The following MYO5B variants were observed in gnomAD, a reference collection of about 807,000 sequenced individuals.
MYO5B encodes unconventional myosin-Vb.
Under a neutral mutation model 229.3 loss-of-function variants are expected in MYO5B, and 143 were observed. The observed-to-expected ratio is 0.62, with a 90% CI of 0.54 to 0.72. The LOEUF is 0.72. Among genes scored for constraint, MYO5B ranks in the 30% least tolerant of loss-of-function variants. The pLI, the probability that MYO5B is intolerant of heterozygous loss-of-function variation, is 0.00. For missense variants in MYO5B, 2,321 were observed against 2,331.0 expected (o/e 1.00, Z 0.09); for synonymous variants, 918 against 885.2 (o/e 1.04, Z -0.66).
chr18:50,160,129 C>G lies in MYO5B; in HGVS notation c.27+34638G>C, dbSNP rs112417284. ...CACTTCCCAGCGGATGATAAAACAC[C>G]AAGCAAGAATATCCACCGTAAGCAT... On this transcript the variant is annotated intron_variant, in intron 1 of 39. Coordinates refer to ENST00000285039, the MANE Select transcript of MYO5B (RefSeq NM_001080467.3). 2.4e-3 allele frequency among the ~76,000 whole-genome samples: 373 copies of G among 152,358 alleles called. 3 individuals are homozygous for G. The highest frequency in any genetic ancestry group is 8.4e-3 in the African/African-American group (349 of 41,592).
chr18:50,101,249 C>T (rs1184765303), intron 1 of MYO5B, among the ~76,000 whole-genome samples: 2 of 152,118 alleles, frequency 1.3e-5, no homozygotes, highest in East Asian at 1.9e-4. Flanking sequence ...TCAAGTTGTA[C>T]ACCTTAAGTG....
rs1264355256 is a variant in MYO5B at position 49,853,580 on chromosome 18, G to A, written c.4090C>T (p.Gln1364Ter). 6.2e-7 allele frequency: 1 copy of A among 1,614,160 alleles called. No individual in the cohort carries two copies. Among genetic ancestry groups the A allele is most frequent in the Non-Finnish European group, 8.5e-7 (1 of 1,180,040 alleles). Reference sequence around the variant, plus strand: ...ATCTCCTCCTTCAGGGCCTCGAGCTGAGCCTTGAGATGCTCCACCTCCTCC... The same window carrying A: ...ATCTCCTCCTTCAGGGCCTCGAGCTAAGCCTTGAGATGCTCCACCTCCTCC... ...HEEEVEHLKA[Q>*]LEALKEEMDK... Residue 1364 changes from glutamine (Q) to a stop codon, truncating the protein, a stop_gained, in exon 31 of 40, where the codon CAG becomes TAG. Coordinates refer to ENST00000285039, the MANE Select transcript of MYO5B (RefSeq NM_001080467.3). LOFTEE classifies it high-confidence loss of function.
chr18:49,849,628 C>G lies in MYO5B; in HGVS notation c.4254G>C (p.Lys1418Asn), dbSNP rs763072671. Residue 1418 changes from lysine to asparagine, a missense_variant, in exon 32 of 40, where the codon AAG (lysine) becomes AAC (asparagine). Coordinates refer to ENST00000285039, the MANE Select transcript of MYO5B (RefSeq NM_001080467.3). ...DLKELVEKLE[K>N]NERKLKKQLK... ...GTTGCTTTTTGAGCTTCCTCTCATT[C>G]TTTTCCAGCTTTTCTACCAGTTCTT... The G allele has an allele frequency of 6.2e-6, 10 of 1,613,866 alleles. No individual in the cohort carries two copies. The highest frequency in any genetic ancestry group is 1.7e-4 in the Middle Eastern group (1 of 5,970).
At chr18:49,957,668 A>AAAACT (rs1186672988) in intron 12 of MYO5B, among the ~76,000 whole-genome samples, 2 of 132,042 alleles carry the variant, frequency 1.5e-5, no homozygotes, top group Non-Finnish European at 3.2e-5. Flanking sequence ...AAAACAAAAC[A>AAAACT]AAACAAAAAA....
intron 1 of MYO5B, among the ~76,000 whole-genome samples, chr18:50,060,982 A>G (rs928726469): frequency 3.3e-5 from 5 of 152,200 alleles, no homozygotes; most frequent in Non-Finnish European, 5.9e-5. Context: ...ACAGACCTTC[A>G]TGTGCTGCAG....
rs147560769 is a variant in MYO5B at position 49,977,487 on chromosome 18, G to A, written c.1057-2872C>T. The stretch of plus-strand genomic sequence containing the variant: ...CCCGAGGAATAAACCACAATCAGTG[G>A]GGCTCTCGGTAGCAACTATTAACGA... On this transcript the variant is annotated intron_variant, in intron 9 of 39. Coordinates refer to ENST00000285039, the MANE Select transcript of MYO5B (RefSeq NM_001080467.3). Among the ~76,000 whole-genome samples the A allele has an allele frequency of 2.6e-5, 4 of 152,164 alleles. No individual in the cohort carries two copies. In the East Asian group the frequency reaches 5.8e-4, roughly 22 times the overall value.
chr18:50,191,374 A>C (rs898800974), intron 1 of MYO5B, among the ~76,000 whole-genome samples: 18 of 152,186 alleles, frequency 1.2e-4, no homozygotes, highest in Admixed American at 9.8e-4. Flanking sequence ...TTTGGGATTA[A>C]TTATGCCAAC....
intron 2 of MYO5B, among the ~76,000 whole-genome samples, chr18:50,048,066 T>C (rs1303326164): frequency 6.9e-6 from 1 of 144,556 alleles, no homozygotes; most frequent in Non-Finnish European, 1.5e-5. Context: ...TGTGCACATG[T>C]ACCCAAAACC....
chr18:49,873,418 G>A (rs575573938), intron 26 of MYO5B, among the ~76,000 whole-genome samples: 5 of 152,332 alleles, frequency 3.3e-5, no homozygotes, highest in Admixed American at 3.3e-4. Context: ...TTGGAGACAG[G>A]AACAGGATCT....
At chr18:49,929,315 G>A (rs772486981) in intron 17 of MYO5B, among the ~76,000 whole-genome samples, 197 bp downstream of exon 17, 18 of 152,200 alleles carry the variant, frequency 1.2e-4, no homozygotes, top group Non-Finnish European at 1.9e-4. Flanking sequence ...CCAAGAGGAT[G>A]TGACTGCTAA....
intron 4 of MYO5B, among the ~76,000 whole-genome samples, chr18:50,015,904 T>C (rs1257835810): frequency 6.6e-6 from 1 of 152,230 alleles, no homozygotes; most frequent in Non-Finnish European, 1.5e-5. Context: ...ATATTAAGAT[T>C]CTTGCTGGAA....
intron 9 of MYO5B, 60 bp downstream of exon 9, chr18:49,980,384 C>A: frequency 1.7e-6 from 2 of 1,180,096 alleles, no homozygotes; most frequent in South Asian, 2.4e-5. Context: ...ACATTTCAGT[C>A]ATATCAAAGA....
chr18:50,077,130 T>C (rs995702661), intron 1 of MYO5B, among the ~76,000 whole-genome samples: 8 of 141,930 alleles, frequency 5.6e-5, no homozygotes, highest in Non-Finnish European at 1.1e-4. Context: ...TAAATGGCAA[T>C]TGGTGTTTTT....
At chr18:50,133,353 T>C (rs1038993028) in intron 1 of MYO5B, among the ~76,000 whole-genome samples, 1 of 152,202 alleles carries the variant, frequency 6.6e-6, no homozygotes, top group Non-Finnish European at 1.5e-5. Flanking sequence ...GAGGAGTTCA[T>C]GAGAGTGCTT....
chr18:49,891,715 G>T, intron 22 of MYO5B, among the ~76,000 whole-genome samples: 1 of 152,114 alleles, frequency 6.6e-6, no homozygotes, highest in East Asian at 1.9e-4. Context: ...TGGGGAGAAG[G>T]CTCAACACAC....
chr18:50,191,170 C>T (rs2033221282), intron 1 of MYO5B, among the ~76,000 whole-genome samples: 1 of 152,196 alleles, frequency 6.6e-6, no homozygotes, highest in South Asian at 2.1e-4. Context: ...AACTGCTTCT[C>T]ATAGTAAAGC....
In MYO5B at chr18:49,864,152, C is replaced by A. The variant is rs771531830; in HGVS notation, c.3832G>T (p.Gly1278Cys). Residue 1278 changes from glycine (G) to cysteine (C), a missense_variant, in exon 28 of 40, where the codon GGC (glycine) becomes TGC (cysteine). Gly to Cys is a radical substitution (Grantham distance 159, BLOSUM62 -3). Transcript: ENST00000285039. Reference protein sequence around the residue: ...IVSADQRRLAGRNAEPNINAR... With the variant: ...IVSADQRRLACRNAEPNINAR... ...CGCCATCTTGTTACCGCGTTCCTGC[C>A]GGCGAGTCGCCGCTGGTCGGCGCTC... 2 of 1,609,334 alleles carry A rather than the reference C, an allele frequency of 1.2e-6. No homozygotes were observed. The highest frequency in any genetic ancestry group is 1.7e-4 in the Middle Eastern group (1 of 6,046).
chr18:50,184,614 T>C (rs1419861202), intron 1 of MYO5B, among the ~76,000 whole-genome samples: 1 of 152,218 alleles, frequency 6.6e-6, no homozygotes, highest in Non-Finnish European at 1.5e-5. Context: ...TAACCAGTAG[T>C]TGTCCAACTA....
chr18:49,973,839 G>A (rs960477380), intron 10 of MYO5B, among the ~76,000 whole-genome samples: 2 of 152,138 alleles, frequency 1.3e-5, no homozygotes, highest in Non-Finnish European at 2.9e-5. Flanking sequence ...ATTCTGAAAG[G>A]AAGAGAAACC....
Sources: allele counts gnomAD v4.1 joint callset (sites outside exome capture counted in the v4.1 genomes callset), GRCh38; gene constraint gnomAD v4.1.1; transcripts MANE v1.5; gene names NCBI Gene and HGNC (gene_info 2026-07-23, HGNC 2026-07-21).